The following GTF3C5 variants were observed in gnomAD, a reference collection of about 807,000 sequenced individuals.
GTF3C5 encodes the protein general transcription factor 3C polypeptide 5.
GTF3C5 carries 47 observed loss-of-function variants against 61.0 expected under a neutral mutation model. That is an observed-to-expected ratio of 0.77 (90% CI 0.61 to 0.98). The LOEUF (loss-of-function observed/expected upper bound fraction) is 0.98. Among genes scored for constraint, GTF3C5 ranks in the 50% least tolerant of loss-of-function variants. The probability of loss-of-function intolerance (pLI) is 0.00; values close to 1 mark genes in which losing one functional copy is unlikely to be tolerated. For synonymous variants in GTF3C5, 295 were observed against 275.4 expected (o/e 1.07, Z -0.71); for missense variants, 659 against 703.3 (o/e 0.94, Z 0.71).
chr9:133,039,981 A>T (rs868345618), intron 1 of GTF3C5, among the ~76,000 whole-genome samples: 1 of 152,202 alleles, frequency 6.6e-6, no homozygotes, highest in Non-Finnish European at 1.5e-5. Context: ...CCCTGAATTC[A>T]TTAAGCACGG....
chr9:133,056,943 G>T (rs1417382325), intron 10 of GTF3C5, 35 bp downstream of exon 10: 9 of 1,541,188 alleles, frequency 5.8e-6, no homozygotes, highest in Non-Finnish European at 7.9e-6. Context: ...GGTCCAGGAT[G>T]CCTGGTGATC....
chr9:133,053,292 A>T lies in GTF3C5; in HGVS notation c.874-536A>T, dbSNP rs1050297799. Among the ~76,000 whole-genome samples, 4 of 152,096 alleles carry T rather than the reference A, an allele frequency of 2.6e-5. 1 individual carries two copies. Among genetic ancestry groups the T allele is most frequent in the Admixed American group, 6.5e-5 (1 of 15,272 alleles). Reference sequence around the variant, plus strand: ...GCGCTATCTCATTTAATCCTCTGAAAAACCATGGGAGGCCAGGCATGATGG... The same window carrying T: ...GCGCTATCTCATTTAATCCTCTGAATAACCATGGGAGGCCAGGCATGATGG... On this transcript the variant is annotated intron_variant, in intron 5 of 10. Coordinates refer to ENST00000372097, the MANE Select transcript of GTF3C5 (RefSeq NM_012087.4).
chr9:133,055,288 C>G lies in GTF3C5; in HGVS notation c.1167+479C>G, dbSNP rs145199698. 13,201 of 1,414,164 alleles carry G rather than the reference C, an allele frequency of 9.3e-3. 133 individuals carry two copies. Among genetic ancestry groups the G allele is most frequent in the South Asian group, 0.034 (2,819 of 82,158 alleles). 87.6% of individuals were successfully genotyped at this position (1,414,164 alleles called of 1,614,324 possible). A position where few individuals can be genotyped will look rare whatever the true frequency, so the allele number is the denominator to read the frequency against. On this transcript the variant is annotated intron_variant, in intron 8 of 10. Coordinates refer to ENST00000372097, the MANE Select transcript of GTF3C5 (RefSeq NM_012087.4). ...GTTCCCACATTCAGGCTCCCGCAAGCCGCTCCACAGCCCTGGGGGAGGCCG... is the reference window on the plus strand; with the variant it reads ...GTTCCCACATTCAGGCTCCCGCAAGGCGCTCCACAGCCCTGGGGGAGGCCG...
At chr9:133,033,108 T>C (rs909445607) in intron 1 of GTF3C5, among the ~76,000 whole-genome samples, 4 of 152,158 alleles carry the variant, frequency 2.6e-5, no homozygotes, top group Non-Finnish European at 5.9e-5. Flanking sequence ...AGATGTAACT[T>C]ATCCAATCTA....
intron 3 of GTF3C5, among the ~76,000 whole-genome samples, chr9:133,049,727 A>G (rs1238252547): frequency 6.6e-6 from 1 of 152,230 alleles, no homozygotes; most frequent in Non-Finnish European, 1.5e-5. Context: ...CTGTGCCAAC[A>G]TACAGAGGTA....
intron 1 of GTF3C5, among the ~76,000 whole-genome samples, chr9:133,032,897 T>C (rs1437537412): frequency 6.6e-6 from 1 of 152,246 alleles, no homozygotes; most frequent in Non-Finnish European, 1.5e-5. Context: ...GCCTTTGTTA[T>C]GGTTCCGTCA....
chr9:133,032,095 TA>T (rs1333695326), intron 1 of GTF3C5, among the ~76,000 whole-genome samples: 8 of 152,334 alleles, frequency 5.3e-5, no homozygotes, highest in Non-Finnish European at 1.0e-4. Context: ...TAAAGGAAGG[TA>T]AAAGGCTAAA....
At chr9:133,054,831 G>T (rs751523627) in intron 8 of GTF3C5, 22 bp downstream of exon 8, 2 of 1,551,852 alleles carry the variant, frequency 1.3e-6, no homozygotes, top group Admixed American at 2.0e-5. Flanking sequence ...TGGAGGCCAG[G>T]AATGGAGGGG....
chr9:133,051,096 C>A, intron 4 of GTF3C5, 118 bp downstream of exon 4: 1 of 683,268 alleles, frequency 1.5e-6, no homozygotes, highest in African/African-American at 1.8e-5. Context: ...TTTACCCATT[C>A]CTTAGTGCAT....
chr9:133,055,146 A>G (rs1170562093), intron 8 of GTF3C5: 18 of 1,546,658 alleles, frequency 1.2e-5, no homozygotes, highest in Non-Finnish European at 1.6e-5. Flanking sequence ...GGAATTGGGC[A>G]CACACAGGAG....
rs769470773 is a variant in GTF3C5 at position 133,054,431 on chromosome 9, G to A, written c.1012G>A (p.Val338Ile). The change falls in exon 7 of 11, where the codon GTC becomes ATC. Residue 338 changes from valine (V) to isoleucine (I), a missense_variant. Transcript: ENST00000372097. ...KHGYAPSDLP[V>I]KAKRSTYNYS... Reference sequence around the variant, plus strand: ...AGGTTACGCCCCCAGTGACTTGCCGGTCAAAGCAAAGCGCAGCACCTACAA... The same window carrying A: ...AGGTTACGCCCCCAGTGACTTGCCGATCAAAGCAAAGCGCAGCACCTACAA... The A allele has an allele frequency of 1.2e-6, 2 of 1,614,164 alleles. No individual in the cohort carries two copies. The highest frequency in any genetic ancestry group is 8.5e-7 in the Non-Finnish European group (1 of 1,180,036).
At chr9:133,043,949 C>G in intron 3 of GTF3C5, 23 bp downstream of exon 3, 1 of 1,572,338 alleles carries the variant, frequency 6.4e-7, no homozygotes, top group Non-Finnish European at 8.7e-7. Context: ...TCCATGCAGC[C>G]TCGGTTCTCT....
At position 133,057,372 on chromosome 9, in the gene GTF3C5, C is replaced by T. The variant is rs1036351071; in HGVS notation, c.1394-442C>T. Among the ~76,000 whole-genome samples, 17 of 152,194 alleles carry T rather than the reference C, an allele frequency of 1.1e-4. No homozygotes were observed. The South Asian group carries it at 1.9e-3, about 17-fold the overall frequency. On this transcript the variant is annotated intron_variant, in intron 10 of 10. Transcript: ENST00000372097. ...AACACCTGCCAGGCTGTGGGTCTCACGAGGCTCGGGGGAGTTATAAGAGGC... is the reference window on the plus strand; with the variant it reads ...AACACCTGCCAGGCTGTGGGTCTCATGAGGCTCGGGGGAGTTATAAGAGGC...
intron 3 of GTF3C5, among the ~76,000 whole-genome samples, chr9:133,046,671 G>A (rs1325948715): frequency 5.3e-5 from 8 of 152,176 alleles, no homozygotes; most frequent in African/African-American, 9.7e-5. Flanking sequence ...GGAGCTAGAC[G>A]GAGCATGAGT....
intron 3 of GTF3C5, 56 bp from the exon 4 acceptor site, chr9:133,050,727 C>T (rs552803700): frequency 4.8e-5 from 64 of 1,327,440 alleles, no homozygotes; most frequent in Middle Eastern, 1.8e-4. Context: ...TCTGGCCCAG[C>T]GGGTGCCTGG....
At chr9:133,041,584 G>A (rs2118991530) in intron 1 of GTF3C5, among the ~76,000 whole-genome samples, 1 of 152,226 alleles carries the variant, frequency 6.6e-6, no homozygotes, top group East Asian at 1.9e-4. Context: ...TGCCCCTTTT[G>A]CTTTGTATCC....
At chr9:133,048,423 C>T (rs998829886) in intron 3 of GTF3C5, among the ~76,000 whole-genome samples, 1 of 151,318 alleles carries the variant, frequency 6.6e-6, no homozygotes. Context: ...CGTGAACCCG[C>T]GAGGCGGAGC....
intron 8 of GTF3C5, 137 bp downstream of exon 8, chr9:133,054,946 C>T: frequency 6.4e-7 from 1 of 1,550,680 alleles, no homozygotes; most frequent in Middle Eastern, 1.7e-4. Context: ...CCTTTTAGGT[C>T]AGCCTTCAGA....
In GTF3C5 at chr9:133,044,424, C is replaced by T. The variant is rs76339226; in HGVS notation, c.572+498C>T. The T allele has an allele frequency of 9.4e-4, 146 of 154,886 alleles. 1 individual carries two copies. Among genetic ancestry groups the T allele is most frequent in the Middle Eastern group, 6.5e-3 (2 of 308 alleles). 9.6% of individuals were successfully genotyped at this position (154,886 alleles called of 1,614,324 possible). On this transcript the variant is annotated intron_variant, in intron 3 of 10. Coordinates refer to ENST00000372097, the MANE Select transcript of GTF3C5 (RefSeq NM_012087.4). ...CCAGCCAGTCTCTGGACCTTGCTGT[C>T]ACTAGTAATGACACTACCTAAGCAA...
Sources: allele counts gnomAD v4.1 joint callset (sites outside exome capture counted in the v4.1 genomes callset), GRCh38; gene constraint gnomAD v4.1.1; transcripts MANE v1.5; gene names NCBI Gene and HGNC (gene_info 2026-07-23, HGNC 2026-07-21).